DYSF: variants seen among roughly 807,000 people sequenced by gnomAD.
DYSF encodes dystrophy-associated fer-1-like 1.
Under a neutral mutation model 274.9 loss-of-function variants are expected in DYSF, and 212 were observed. The observed-to-expected ratio is 0.77, with a 90% CI of 0.69 to 0.86. The LOEUF is 0.86. Ranked by LOEUF, DYSF falls within the 40% of genes least tolerant of loss-of-function variation. The pLI is 0.00. For missense variants in DYSF, 2,666 were observed against 2,783.2 expected (o/e 0.96, Z 0.95); for synonymous variants, 1,091 against 1,078.7 (o/e 1.01, Z -0.22).
intron 42 of DYSF, among the ~76,000 whole-genome samples, chr2:71,648,343 A>G (rs1314247588): frequency 6.6e-6 from 1 of 152,194 alleles, no homozygotes; most frequent in African/African-American, 2.4e-5. Flanking sequence ...GTGAAGTTGG[A>G]AGGAGCACAG....
At chr2:71,571,048 A>AGAT (rs2092396491) in intron 29 of DYSF, 47 of 424,984 alleles carry the variant, frequency 1.1e-4, no homozygotes, top group African/African-American at 9.1e-4. Context: ...TACACCCAGC[A>AGAT]CACACACAGA....
At chr2:71,617,769 TGGTAGAGGTG>T (rs2093928653) in intron 40 of DYSF, among the ~76,000 whole-genome samples, 1 of 118,890 alleles carries the variant, frequency 8.4e-6, no homozygotes, top group Non-Finnish European at 1.7e-5. Context: ...GTGGTGTGTG[TGGTAGAGGTG>T]GTGTGTGTGT....
At chr2:71,526,405 T>TGGGGGGGGGGGGGGGGGGGGGGGGGGGG in intron 13 of DYSF, 59 bp downstream of exon 13, 4 of 370,354 alleles carry the variant, frequency 1.1e-5, no homozygotes, top group East Asian at 1.1e-4. Flanking sequence ...GCAGGGCTGG[T>TGGGGGGGGGGGGGGGGGGGGGGGGGGGG]GGGGGTGGGC....
At chr2:71,497,356 C>A (rs1212625196) in intron 3 of DYSF, among the ~76,000 whole-genome samples, 1 of 152,212 alleles carries the variant, frequency 6.6e-6, no homozygotes, top group Non-Finnish European at 1.5e-5. Flanking sequence ...TCATAATCCC[C>A]ATGTGCTGTG....
chr2:71,478,312 C>T (rs186776170), intron 1 of DYSF, among the ~76,000 whole-genome samples: 94 of 151,488 alleles, frequency 6.2e-4, no homozygotes, highest in Middle Eastern at 3.4e-3. Context: ...CCTGGGTTCA[C>T]GCCATTCTCC....
rs2091147694 is a variant in DYSF, at chr2:71,553,922, T to C, written c.2100T>C (p.Ala700=). 6.2e-7 allele frequency: 1 copy of C among 1,614,100 alleles called. No homozygotes were observed. Residue 700 remains alanine, a synonymous_variant, in exon 21 of 56, where the codon GCT becomes GCC. Coordinates refer to ENST00000410020, the MANE Select transcript of DYSF (RefSeq NM_001130987.2). The part of the protein sequence containing the change: ...IETQNQLLGI[A]DRLEAGLEQV... ...CTCAGAACCAGCTGCTTGGGATTGC[T>C]GACCGGCTGGTGAGTGAAAACTTGC...
exon 1 of DYSF, chr2:71,453,926 G>C (rs767846660): frequency 6.8e-7 from 1 of 1,469,592 alleles, no homozygotes; most frequent in African/African-American, 1.4e-5. Context: ...ACCCACAAGC[G>C]GCGCCTCGGC....
At chr2:71,455,861 C>A (rs1263261283) in intron 1 of DYSF, among the ~76,000 whole-genome samples, 2 of 152,150 alleles carry the variant, frequency 1.3e-5, no homozygotes, top group African/African-American at 2.4e-5. Context: ...TGACCACATG[C>A]CCCCTCTGCA....
chr2:71,552,891 C>G, intron 19 of DYSF, 120 bp from the exon 20 acceptor site: 1 of 1,010,180 alleles, frequency 9.9e-7, no homozygotes, highest in South Asian at 1.4e-5. Flanking sequence ...ACCCGTCAGT[C>G]CAGCCAGGAG....
Position 71,502,083 on chromosome 2 carries a change from G to C in DYSF, c.240-1131G>C, listed in dbSNP as rs1420099162. Among the ~76,000 whole-genome samples the C allele has an allele frequency of 4.1e-4, 13 of 31,696 alleles. No individual in the cohort carries two copies. In the East Asian group the frequency reaches 4.3e-3, roughly 10 times the overall value. 20.8% of individuals were successfully genotyped at this position (31,696 alleles called of 152,430 possible). A position where few individuals can be genotyped will look rare whatever the true frequency, so the allele number is the denominator to read the frequency against. ...GTGATTTTTCTCTCCATGACTCTGT[G>C]TGTGTGTGTGTGTGTGTGTGTGTGT... On this transcript the variant is annotated intron_variant, in intron 3 of 55. Coordinates refer to ENST00000410020, the MANE Select transcript of DYSF (RefSeq NM_001130987.2).
At chr2:71,473,918 ATTTTTTTTT>A (rs10659171) in intron 1 of DYSF, among the ~76,000 whole-genome samples, 2 of 83,802 alleles carry the variant, frequency 2.4e-5, no homozygotes, top group Admixed American at 1.4e-4. Flanking sequence ...TTTCTGTATG[ATTTTTTTTT>A]TTTTTTTTTT....
At chr2:71,678,706 T>TA (rs1367184881) in intron 52 of DYSF, among the ~76,000 whole-genome samples, 1 of 151,990 alleles carries the variant, frequency 6.6e-6, no homozygotes, top group Non-Finnish European at 1.5e-5. Context: ...TTTACCATGA[T>TA]AAAAATAATT....
intron 1 of DYSF, among the ~76,000 whole-genome samples, chr2:71,472,880 G>A (rs1030328874): frequency 2.0e-5 from 3 of 152,174 alleles, no homozygotes; most frequent in Admixed American, 2.0e-4. Flanking sequence ...TGTCATAGAT[G>A]TTTCTAGTAT....
At chr2:71,514,863 T>C (rs1054491447) in intron 7 of DYSF, among the ~76,000 whole-genome samples, 13 of 152,170 alleles carry the variant, frequency 8.5e-5, no homozygotes, top group Non-Finnish European at 1.9e-4. Context: ...AAATACCATA[T>C]GTTTATTTTA....
At chr2:71,617,518 G>T (rs1319428106) in intron 40 of DYSF, among the ~76,000 whole-genome samples, 2 of 152,044 alleles carry the variant, frequency 1.3e-5, no homozygotes, top group Non-Finnish European at 2.9e-5. Flanking sequence ...GACTCTGTGT[G>T]TATGTTTTAT....
At chr2:71,678,934 G>A (rs778987421) in intron 52 of DYSF, 123 bp from the exon 53 acceptor site, 20 of 833,990 alleles carry the variant, frequency 2.4e-5, no homozygotes, top group Admixed American at 1.5e-4. Flanking sequence ...CCTGTGGCTC[G>A]GCCATGGATA....
chr2:71,572,518 GAT>G (rs2092553019), intron 29 of DYSF, among the ~76,000 whole-genome samples: 1 of 152,232 alleles, frequency 6.6e-6, no homozygotes, highest in Non-Finnish European at 1.5e-5. Flanking sequence ...CTAAGACGTA[GAT>G]TTGGCTGCAC....
intron 36 of DYSF, among the ~76,000 whole-genome samples, chr2:71,609,174 C>T (rs775712147): frequency 3.9e-5 from 6 of 152,184 alleles, no homozygotes; most frequent in Non-Finnish European, 7.4e-5. Flanking sequence ...TAGGCCCTGC[C>T]TCCATCCTCC....
At chr2:71,579,146 C>T (rs917208732) in intron 30 of DYSF, among the ~76,000 whole-genome samples, 1 of 152,128 alleles carries the variant, frequency 6.6e-6, no homozygotes, top group Non-Finnish European at 1.5e-5. Flanking sequence ...ACCCAGTCAC[C>T]CCCTCCTGAC....
Sources: gnomAD v4.1 joint callset for allele counts (sites outside exome capture counted in the v4.1 genomes callset) on GRCh38, gnomAD v4.1.1 for gene constraint, MANE v1.5 for transcripts, NCBI Gene and HGNC (gene_info 2026-07-23, HGNC 2026-07-21) for gene names.